The following OLAH variants were observed in gnomAD, a reference collection of about 807,000 sequenced individuals.
OLAH encodes the protein oleoyl-ACP hydrolase.
A neutral mutation model predicts 27.8 loss-of-function variants in OLAH; 33 were observed. That is an observed-to-expected ratio of 1.19 (90% CI 0.90 to 1.59). OLAH has a LOEUF of 1.59. OLAH is among the 40% of genes most tolerant of loss of function. The pLI is 0.00. For missense variants in OLAH, 359 were observed against 310.8 expected, an observed-to-expected ratio of 1.16 and a Z score of -1.17; for synonymous variants, 120 against 102.9, an observed-to-expected ratio of 1.17 and a Z score of -1.01.
chr10:15,034,106 T>TTTTTTTC (rs1843801926), intron 1 of OLAH, among the ~76,000 whole-genome samples: 1 of 111,648 alleles, frequency 9.0e-6, no homozygotes, highest in African/African-American at 3.2e-5. Context: ...TCCACCATTT[T>TTTTTTTC]TTTTTTTTCT....
chr10:15,037,295 T>G (rs1219798336), intron 1 of OLAH, among the ~76,000 whole-genome samples: 2 of 152,084 alleles, frequency 1.3e-5, no homozygotes, highest in East Asian at 3.9e-4. Flanking sequence ...ATTATTATCA[T>G]AGAAGCCGGC....
rs981659070 is a variant in OLAH, at chr10:15,049,761, G to A, written c.159G>A (p.Leu53=). The A allele has an allele frequency of 7.5e-6, 12 of 1,601,970 alleles. No homozygotes were observed. The highest frequency in any genetic ancestry group is 1.8e-5 in the Admixed American group (1 of 56,106). ...AKWGQDTHDL[L]EVHSLRLPGR... Reference sequence around the variant, plus strand: ...GGGGCCAAGATACTCATGATTTGCTGGAAGGTATGTTAATTTTTAACATCA... The same window carrying A: ...GGGGCCAAGATACTCATGATTTGCTAGAAGGTATGTTAATTTTTAACATCA... The change falls in exon 3 of 8, where the codon CTG becomes CTA. Residue 53 remains leucine (L), a synonymous_variant. Coordinates refer to ENST00000378228, the MANE Select transcript of OLAH (RefSeq NM_001039702.3).
chr10:15,048,836 T>C lies in OLAH; in HGVS notation c.33-799T>C, dbSNP rs77326783. Reference sequence around the variant, plus strand: ...ATTAGAGACAAGGGCTGGGTGTGGCTTATTTTTGTAATCCCAGCACTTTGG... The same window carrying C: ...ATTAGAGACAAGGGCTGGGTGTGGCCTATTTTTGTAATCCCAGCACTTTGG... On this transcript the variant is annotated intron_variant, in intron 2 of 7. Transcript: ENST00000378228. Among the ~76,000 whole-genome samples, 406 of 152,250 alleles carry C rather than the reference T, an allele frequency of 2.7e-3. 3 individuals carry two copies. The highest frequency in any genetic ancestry group is 9.2e-3 in the African/African-American group (384 of 41,562).
intron 3 of OLAH, among the ~76,000 whole-genome samples, chr10:15,052,006 G>A (rs1471013455): frequency 6.6e-6 from 1 of 152,140 alleles, no homozygotes; most frequent in Non-Finnish European, 1.5e-5. Flanking sequence ...CTGCAGGCTG[G>A]GCATGGTGGC....
At chr10:15,042,609 G>A (rs187277943), upstream of OLAH, among the ~76,000 whole-genome samples, 6 of 152,242 alleles carry the variant, frequency 3.9e-5, no homozygotes, top group East Asian at 1.2e-3. Context: ...CAGTCACTCT[G>A]TTGTGCTATA....
chr10:15,065,692 G>C lies in OLAH; in HGVS notation c.511G>C (p.Glu171Gln). 6.2e-7 allele frequency: 1 copy of C among 1,614,160 alleles called. No homozygotes were observed. The highest frequency in any genetic ancestry group is 8.5e-7 in the Non-Finnish European group (1 of 1,180,020). ...CCCCAAGCATTTTGCTGAAGCCAAG[G>C]AATTTGTGAAACAATGTAGTCCCAT... ...GTPKHFAEAK[E>Q]FVKQCSPIIR... is the part of the protein sequence containing the mutation. The change falls in exon 6 of 8, where the codon GAA (glutamate) becomes CAA (glutamine). Residue 171 changes from glutamate to glutamine, a missense_variant. Coordinates refer to ENST00000378228, the MANE Select transcript of OLAH (RefSeq NM_001039702.3).
intron 4 of OLAH, chr10:15,062,113 A>G (rs2131368810): frequency 2.8e-6 from 1 of 356,086 alleles, no homozygotes; most frequent in East Asian, 4.7e-5. Flanking sequence ...CATTCTATTT[A>G]TTTTTGAAAT....
chr10:15,064,546 G>A (rs1269168565), intron 5 of OLAH, 44 bp downstream of exon 5: 1 of 1,075,318 alleles, frequency 9.3e-7, no homozygotes, highest in African/African-American at 1.6e-5. Context: ...TGGAGAGCAG[G>A]GAAATGGGGA....
At chr10:15,037,568 G>A (rs1037001934) in intron 1 of OLAH, among the ~76,000 whole-genome samples, 4 of 111,968 alleles carry the variant, frequency 3.6e-5, no homozygotes, top group Non-Finnish European at 5.9e-5. Flanking sequence ...GTGACAGAGC[G>A]AGACTCCGTA....
Position 15,073,261 on chromosome 10 carries a change from A to G in OLAH, c.*32A>G. 7.2e-7 allele frequency: 1 copy of G among 1,394,544 alleles called. No homozygotes were observed. Among genetic ancestry groups the G allele is most frequent in the Non-Finnish European group, 1.0e-6 (1 of 994,796 alleles). 86.4% of individuals were successfully genotyped at this position (1,394,544 alleles called of 1,614,324 possible). A position where few individuals can be genotyped will look rare whatever the true frequency, so the allele number is the denominator to read the frequency against. ...TCCCTTTCACTTTTAAAATAATCAA[A>G]GTAATATCATACTCTTCTCAGTTAT... On this transcript the variant is annotated 3_prime_UTR_variant, in exon 8 of 8. Coordinates refer to ENST00000378228, the MANE Select transcript of OLAH (RefSeq NM_001039702.3).
chr10:15,057,016 T>C, intron 3 of OLAH: 1 of 1,376,566 alleles, frequency 7.3e-7, no homozygotes, highest in South Asian at 1.8e-5. Context: ...TCTTCTAGTT[T>C]GTGCCACCTT....
chr10:15,057,725 A>G (rs12416186), intron 3 of OLAH, among the ~76,000 whole-genome samples: 18,305 of 152,074 alleles, frequency 0.12, 1,402 homozygotes, highest in East Asian at 0.33. Flanking sequence ...CTTGCCTCAT[A>G]TGATACCAGA....
chr10:15,056,919 C>A, intron 3 of OLAH: 3 of 1,524,446 alleles, frequency 2.0e-6, no homozygotes, highest in African/African-American at 1.4e-5. Flanking sequence ...CGTGAGCCAC[C>A]GTAGGCGTGA....
chr10:15,068,516 C>T (rs138351458), intron 6 of OLAH, among the ~76,000 whole-genome samples: 56 of 152,252 alleles, frequency 3.7e-4, no homozygotes, highest in African/African-American at 1.3e-3. Flanking sequence ...CCTCAGCCTC[C>T]CGAGTAGCTG....
rs546004481 is a variant in OLAH, at chr10:15,033,039, A to T, written c.-164+689A>T. ...AGGTGCCCACCACCACAGTGGGCTA[A>T]TTTTTTTTTTTTTTTAAAGTAGAGA... On this transcript the variant is annotated intron_variant, in intron 1 of 3. Transcript: ENST00000413672. Among the ~76,000 whole-genome samples the T allele has an allele frequency of 1.1e-3, 159 of 145,022 alleles. 2 individuals are homozygous for T. The highest frequency in any genetic ancestry group is 3.4e-3 in the African/African-American group (133 of 39,406).
intron 6 of OLAH, among the ~76,000 whole-genome samples, chr10:15,067,771 C>T (rs1049062630): frequency 1.3e-5 from 2 of 152,158 alleles, no homozygotes; most frequent in East Asian, 1.9e-4. Context: ...TTTTCCAATA[C>T]AAATGAAATC....
chr10:15,047,655 A>T lies in OLAH; in HGVS notation c.32+335A>T, dbSNP rs556533375. On this transcript the variant is annotated intron_variant, in intron 2 of 7. Coordinates refer to ENST00000378228, the MANE Select transcript of OLAH (RefSeq NM_001039702.3). The stretch of plus-strand genomic sequence containing the variant: ...GGGAGGTGCAGGTTGCAGTGAGACG[A>T]GATCGCGCCACTGCACTCCAGCCTG... 4.6e-5 allele frequency among the ~76,000 whole-genome samples: 7 copies of T among 152,318 alleles called. No homozygotes were observed. In the East Asian group the frequency reaches 1.2e-3, roughly 25 times the overall value.
At chr10:15,059,197 TGTCCATCCATCC>T (rs1844314582) in intron 3 of OLAH, among the ~76,000 whole-genome samples, 1 of 121,050 alleles carries the variant, frequency 8.3e-6, no homozygotes, top group South Asian at 3.5e-4. Context: ...CCCCTCCATC[TGTCCATCCATCC>T]GTCCATCTCA....
chr10:15,032,258 T>A (rs1843769410), exon 1 of OLAH: 1 of 152,156 alleles, frequency 6.6e-6, no homozygotes, highest in Non-Finnish European at 1.5e-5. Context: ...CCCTTGAACA[T>A]CAGACTCCAA....
Sources: gnomAD v4.1 joint callset for allele counts (sites outside exome capture counted in the v4.1 genomes callset) on GRCh38, gnomAD v4.1.1 for gene constraint, MANE v1.5 for transcripts, NCBI Gene and HGNC (gene_info 2026-07-23, HGNC 2026-07-21) for gene names.